XKR6: variants seen among roughly 807,000 people sequenced by gnomAD.
XKR6 encodes XK related 6, also known as XK-related protein 6.
A neutral mutation model predicts 56.7 loss-of-function variants in XKR6; 22 were observed. The ratio of observed to expected loss-of-function variants is 0.39; its 90% CI spans 0.28 to 0.55. XKR6 has a LOEUF of 0.55. Among genes scored for constraint, XKR6 ranks in the 20% least tolerant of loss-of-function variants. XKR6 has a pLI of 0.66. For synonymous variants in XKR6, 524 were observed against 387.8 expected, an observed-to-expected ratio of 1.35 and a Z score of -4.13; for missense variants, 852 against 889.0, an observed-to-expected ratio of 0.96 and a Z score of 0.53.
At chr8:11,144,399 G>A (rs1800874048) in intron 1 of XKR6, among the ~76,000 whole-genome samples, 1 of 151,348 alleles carries the variant, frequency 6.6e-6, no homozygotes, top group South Asian at 2.1e-4. Context: ...TGAGAAAGTG[G>A]AAAGGAGACA....
At chr8:11,102,044 G>A (rs894637872) in intron 1 of XKR6, among the ~76,000 whole-genome samples, 12 of 152,306 alleles carry the variant, frequency 7.9e-5, no homozygotes, top group Middle Eastern at 3.4e-3. Flanking sequence ...GAAACAGCGA[G>A]GGCTTCTGGA....
chr8:11,098,211 T>TCA (rs371346914), intron 1 of XKR6, among the ~76,000 whole-genome samples: 2,088 of 151,248 alleles, frequency 0.014, 40 homozygotes, highest in African/African-American at 0.046. Flanking sequence ...GGTGACTCTC[T>TCA]CACACACACA....
chr8:11,139,441 G>T lies in XKR6; in HGVS notation c.764+61135C>A, dbSNP rs553383022. On this transcript the variant is annotated intron_variant, in intron 1 of 2. Coordinates refer to ENST00000416569, the MANE Select transcript of XKR6 (RefSeq NM_173683.4). ...AAGGCAGAACACCCCAACAGCCTGA[G>T]GCACTCACTGAAAAGCACAGCAGAC... is the stretch of plus-strand genomic sequence containing the variant. 2.0e-5 allele frequency among the ~76,000 whole-genome samples: 3 copies of T among 152,196 alleles called. No individual in the cohort carries two copies. In the East Asian group the frequency reaches 5.8e-4, roughly 29 times the overall value.
intron 1 of XKR6, among the ~76,000 whole-genome samples, chr8:10,953,467 C>T (rs2129127800): frequency 6.6e-6 from 1 of 152,278 alleles, no homozygotes; most frequent in Non-Finnish European, 1.5e-5. Flanking sequence ...CCTGTACAGC[C>T]TGTAGAACTG....
At chr8:11,151,813 C>G (rs927620956) in intron 1 of XKR6, among the ~76,000 whole-genome samples, 1 of 151,996 alleles carries the variant, frequency 6.6e-6, no homozygotes, top group Admixed American at 6.6e-5. Context: ...TTTACGTGTT[C>G]CCAGTAGCTC....
intron 1 of XKR6, among the ~76,000 whole-genome samples, chr8:11,185,885 A>T (rs1803248022): frequency 6.6e-6 from 1 of 152,214 alleles, no homozygotes; most frequent in East Asian, 1.9e-4. Context: ...TCTTCATTAA[A>T]CTTCACAACT....
At chr8:11,107,470 C>T (rs907902688) in intron 1 of XKR6, among the ~76,000 whole-genome samples, 1 of 152,136 alleles carries the variant, frequency 6.6e-6, no homozygotes, top group Admixed American at 6.5e-5. Flanking sequence ...TAGGCGTGAG[C>T]CACCACACCC....
At chr8:11,007,446 C>A (rs1798395351) in intron 1 of XKR6, among the ~76,000 whole-genome samples, 1 of 152,174 alleles carries the variant, frequency 6.6e-6, no homozygotes, top group Non-Finnish European at 1.5e-5. Context: ...GCCTAAAAGC[C>A]AAAATCATGC....
intron 1 of XKR6, among the ~76,000 whole-genome samples, chr8:11,152,858 C>T (rs533457829): frequency 2.1e-4 from 32 of 152,190 alleles, no homozygotes; most frequent in African/African-American, 7.7e-4. Flanking sequence ...CTATGCAGTC[C>T]TAAGCATACT....
chr8:10,974,547 T>G (rs913135283), intron 1 of XKR6, among the ~76,000 whole-genome samples: 1 of 152,180 alleles, frequency 6.6e-6, no homozygotes, highest in African/African-American at 2.4e-5. Flanking sequence ...AGCCATATCT[T>G]TTTGCAGGAA....
At chr8:10,960,778 A>G (rs777567552) in intron 1 of XKR6, among the ~76,000 whole-genome samples, 1 of 151,888 alleles carries the variant, frequency 6.6e-6, no homozygotes, top group Non-Finnish European at 1.5e-5. Flanking sequence ...TCATCTAATC[A>G]CCCTTTCACT....
chr8:11,080,903 C>G (rs1797696574), intron 1 of XKR6, among the ~76,000 whole-genome samples: 1 of 152,184 alleles, frequency 6.6e-6, no homozygotes, highest in South Asian at 2.1e-4. Context: ...CTCCACTGTA[C>G]ACACGTGAAA....
At chr8:11,127,676 T>A (rs1586584690) in intron 1 of XKR6, among the ~76,000 whole-genome samples, 1 of 152,188 alleles carries the variant, frequency 6.6e-6, no homozygotes, top group Non-Finnish European at 1.5e-5. Flanking sequence ...TGTGGCTACA[T>A]CAGGCCCACC....
intron 1 of XKR6, among the ~76,000 whole-genome samples, chr8:11,117,322 TCCTAACCCAGCAAAAA>T (rs1799229977): frequency 6.6e-6 from 1 of 152,104 alleles, no homozygotes; most frequent in Non-Finnish European, 1.5e-5. Flanking sequence ...GCCTCTTGTC[TCCTAACCCAGCAAAAA>T]CCAACAGCAT....
chr8:11,084,284 A>G (rs1797814310), intron 1 of XKR6, among the ~76,000 whole-genome samples: 1 of 152,238 alleles, frequency 6.6e-6, no homozygotes, highest in Non-Finnish European at 1.5e-5. Flanking sequence ...ATCTGCGTAC[A>G]CTGCTCCCGG....
At chr8:10,980,528 A>G (rs1229821072) in intron 1 of XKR6, among the ~76,000 whole-genome samples, 2 of 152,220 alleles carry the variant, frequency 1.3e-5, no homozygotes, top group Non-Finnish European at 2.9e-5. Context: ...TGCCTAGCAC[A>G]TTCCTAGCAT....
Position 11,201,582 on chromosome 8 carries a change from G to C in XKR6, c.-243C>G, listed in dbSNP as rs985473012. The stretch of plus-strand genomic sequence containing the variant: ...CGCAGCTCCCCAGCCCTACCCTCCC[G>C]GCCAAGATGGCCGCCCTCCTGTGCC... On this transcript the variant is annotated 5_prime_UTR_variant, in exon 1 of 3. Transcript: ENST00000416569. 6.6e-6 allele frequency among the ~76,000 whole-genome samples: 1 copy of C among 151,990 alleles called. No individual in the cohort carries two copies. The highest frequency in any genetic ancestry group is 2.4e-5 in the African/African-American group (1 of 41,400).
At chr8:10,911,678 G>T (rs1404221299) in intron 2 of XKR6, among the ~76,000 whole-genome samples, 1 of 148,690 alleles carries the variant, frequency 6.7e-6, no homozygotes, top group Admixed American at 6.8e-5. Flanking sequence ...AAGAGAAAAA[G>T]AGAGGGTGAG....
chr8:11,076,465 G>A lies in XKR6; in HGVS notation c.764+124111C>T, dbSNP rs1478883254. Among the ~76,000 whole-genome samples, 4 of 152,262 alleles carry A rather than the reference G, an allele frequency of 2.6e-5. No homozygotes were observed. The East Asian group carries it at 7.7e-4, about 29-fold the overall frequency. On this transcript the variant is annotated intron_variant, in intron 1 of 2. Transcript: ENST00000416569. ...TCCCAGCCTGACCCTTACCCCATCA[G>A]CAGAGGAGCAGTGACGCCATGAGGC...
Sources: allele counts gnomAD v4.1 joint callset (sites outside exome capture counted in the v4.1 genomes callset), GRCh38; gene constraint gnomAD v4.1.1; transcripts MANE v1.5; gene names NCBI Gene and HGNC (gene_info 2026-07-23, HGNC 2026-07-21).